CRIP2: variants seen among roughly 807,000 people sequenced by gnomAD.
CRIP2 encodes cysteine rich protein 2, also known as cysteine-rich protein 2.
Under a neutral mutation model 31.3 loss-of-function variants are expected in CRIP2, and 31 were observed. That is an observed-to-expected ratio of 0.99 (90% CI 0.74 to 1.34). The LOEUF is 1.34. CRIP2 is among the 40% of genes most tolerant of loss of function. CRIP2 has a pLI of 0.00. For missense variants in CRIP2, 389 were observed against 301.6 expected, an observed-to-expected ratio of 1.29 and a Z score of -2.15; for synonymous variants, 177 against 127.2, an observed-to-expected ratio of 1.39 and a Z score of -2.63.
Position 105,478,246 on chromosome 14 carries a change from C to G in CRIP2, c.44-20C>G, listed in dbSNP as rs782086511. The stretch of plus-strand genomic sequence containing the variant: ...GGGGCGCGCCCCGGCCCTGACCCCC[C>G]TGCCGCCCCTCCCGCTCAGCCGAGA... On this transcript the variant is annotated intron_variant, in intron 1 of 7. Coordinates refer to ENST00000329146, the MANE Select transcript of CRIP2 (RefSeq NM_001312.4). The surrounding 1 kb of genome is among the most constrained non-coding windows in gnomAD (Gnocchi z 4.9). 3 of 1,524,428 alleles carry G rather than the reference C, an allele frequency of 2.0e-6. No individual in the cohort carries two copies. The highest frequency in any genetic ancestry group is 2.1e-5 in the Admixed American group (1 of 48,734). The allele number at this position is 1,524,428 out of a possible 1,614,324, so 94.4% of individuals were successfully genotyped here.
At position 105,479,610 on chromosome 14, in the gene CRIP2, G is replaced by T. The variant is rs1353555797; in HGVS notation, c.584G>T (p.Ser195Ile). Residue 195 changes from serine (S) to isoleucine (I), a missense_variant, in exon 8 of 8, where the codon AGC (serine) becomes ATC (isoleucine). By Grantham distance (142) the Ser-to-Ile change is moderately radical. Transcript: ENST00000329146. ...GGAGTGAACACCGGTGCGGTGGGCA[G>T]CTACATCTATGACCGGGACCCCGAA... Reference protein sequence around the residue: ...PKGVNTGAVGSYIYDRDPEGK... With the variant: ...PKGVNTGAVGIYIYDRDPEGK... 27 of 1,612,688 alleles carry T rather than the reference G, an allele frequency of 1.7e-5. No homozygotes were observed. Among genetic ancestry groups the T allele is most frequent in the African/African-American group, 4.0e-5 (3 of 74,916 alleles).
Position 105,478,963 on chromosome 14 carries a change from C to CT in CRIP2, c.338-15dup. The CT allele has an allele frequency of 6.4e-7, 1 of 1,554,592 alleles. No homozygotes were observed. The highest frequency in any genetic ancestry group is 8.7e-7 in the Non-Finnish European group (1 of 1,155,684). The stretch of plus-strand genomic sequence containing the variant: ...CACCCCCGGCCCCGCCCCGCCCTGA[C>CT]TCGTGCGCCCCACAGCCTCCAGTGT... On this transcript the variant is annotated splice_polypyrimidine_tract_variant and intron_variant, in intron 4 of 7. Coordinates refer to ENST00000329146, the MANE Select transcript of CRIP2 (RefSeq NM_001312.4). The surrounding 1 kb of genome is among the most constrained non-coding windows in gnomAD (Gnocchi z 4.9).
chr14:105,474,218 G>A (rs1366619817), upstream of CRIP2: 1 of 152,314 alleles, frequency 6.6e-6, no homozygotes, highest in African/African-American at 2.4e-5. The surrounding 1 kb of genome is among the most constrained non-coding windows in gnomAD (Gnocchi z 5.1). Flanking sequence ...GTTGGGGCGG[G>A]GCGCGGGCGG....
chr14:105,473,158 T>C, upstream of CRIP2: 1 of 1,465,726 alleles, frequency 6.8e-7, no homozygotes, highest in Non-Finnish European at 9.2e-7. Context: ...GGCCCATGAA[T>C]CCAGCCTGGG....
At chr14:105,474,454 G>A (rs1455877005), upstream of CRIP2, 13 of 151,234 alleles carry the variant, frequency 8.6e-5, no homozygotes, top group African/African-American at 3.2e-4. This position sits in a 1 kb window ranked among gnomAD's most constrained non-coding sequence, Gnocchi z 5.1. Flanking sequence ...TGGACCCCTA[G>A]GCCCAAGTCA....
chr14:105,477,517 TTGG>T (rs1555436054), intron 1 of CRIP2: 1 of 983,848 alleles, frequency 1.0e-6, no homozygotes, highest in African/African-American at 1.8e-5. Context: ...CAGGGCCCAG[TTGG>T]TGGGGATCAG....
intron 1 of CRIP2, chr14:105,476,968 C>A (rs1036640597): frequency 1.0e-5 from 2 of 200,936 alleles, no homozygotes; most frequent in African/African-American, 4.7e-5. Context: ...GTGGGCTTCG[C>A]CCTAGCCAGA....
At position 105,479,110 on chromosome 14, in the gene CRIP2, C is replaced by T. The variant is rs781986323; in HGVS notation, c.407-15C>T. On this transcript the variant is annotated splice_polypyrimidine_tract_variant and intron_variant, in intron 5 of 7. Coordinates refer to ENST00000329146, the MANE Select transcript of CRIP2 (RefSeq NM_001312.4). Reference sequence around the variant, plus strand: ...CCCCGCCCCGGGGCTCGGCCTCACTCCTCCCCCTTTCCAGCTGAGAAGGTG... The same window carrying T: ...CCCCGCCCCGGGGCTCGGCCTCACTTCTCCCCCTTTCCAGCTGAGAAGGTG... The T allele has an allele frequency of 1.2e-5, 19 of 1,610,726 alleles. No homozygotes were observed. The highest frequency in any genetic ancestry group is 1.1e-4 in the African/African-American group (8 of 74,880).
chr14:105,479,093 C>CG (rs1486944662), intron 5 of CRIP2, 32 bp from the exon 6 acceptor site: 7 of 1,602,170 alleles, frequency 4.4e-6, no homozygotes, highest in Non-Finnish European at 6.0e-6. Context: ...GCCCCCGCCC[C>CG]GGGGCTCGGC....
chr14:105,478,939 A>T lies in CRIP2; in HGVS notation c.338-40A>T. 1.3e-6 allele frequency: 2 copies of T among 1,527,788 alleles called. No homozygotes were observed. Among genetic ancestry groups the T allele is most frequent in the South Asian group, 2.4e-5 (2 of 83,462 alleles). The allele number at this position is 1,527,788 out of a possible 1,614,324, so 94.6% of individuals were successfully genotyped here. The stretch of plus-strand genomic sequence containing the variant: ...CGGGCTGGGGCTGGGGGTTGTGGGC[A>T]CCCCCGGCCCCGCCCCGCCCTGACT... On this transcript the variant is annotated intron_variant, in intron 4 of 7. Transcript: ENST00000329146. The surrounding 1 kb of genome is among the most constrained non-coding windows in gnomAD (Gnocchi z 4.9).
Position 105,478,580 on chromosome 14 carries a change from G to A in CRIP2, c.196+73G>A. 6.5e-7 allele frequency: 1 copy of A among 1,545,130 alleles called. No individual in the cohort carries two copies. Among genetic ancestry groups the A allele is most frequent in the Non-Finnish European group, 8.7e-7 (1 of 1,146,014 alleles). ...CGTGGCGCTGGCGCTGGGGAGGGCTGGGGGTCCCGGCCGCCGTGGATCCCC... is the reference window on the plus strand; with the variant it reads ...CGTGGCGCTGGCGCTGGGGAGGGCTAGGGGTCCCGGCCGCCGTGGATCCCC... On this transcript the variant is annotated intron_variant, in intron 3 of 7. Transcript: ENST00000329146. This position sits in a 1 kb window ranked among gnomAD's most constrained non-coding sequence, Gnocchi z 4.9.
In CRIP2 at chr14:105,475,736, T is replaced by G. The variant is rs587753134; in HGVS notation, c.43+831T>G. On this transcript the variant is annotated intron_variant, in intron 1 of 7. Coordinates refer to ENST00000329146, the MANE Select transcript of CRIP2 (RefSeq NM_001312.4). ...TCCCCCCGTCTGGGCTTACTCACTCTCTGGGCCTGGGTGCGCCCTTCCTAC... is the reference window on the plus strand; with the variant it reads ...TCCCCCCGTCTGGGCTTACTCACTCGCTGGGCCTGGGTGCGCCCTTCCTAC... 8.5e-6 allele frequency: 7 copies of G among 824,814 alleles called. No individual in the cohort carries two copies. The African/African-American group carries it at 1.1e-4, about 13-fold the overall frequency. The allele number at this position is 824,814 out of a possible 1,614,324, so 51.1% of individuals were successfully genotyped here. A position where few individuals can be genotyped will look rare whatever the true frequency, so the allele number is the denominator to read the frequency against.
At position 105,478,562 on chromosome 14, in the gene CRIP2, C is replaced by T; in HGVS notation, c.196+55C>T. 1 of 1,569,702 alleles carries T rather than the reference C, an allele frequency of 6.4e-7. No individual in the cohort carries two copies. Among genetic ancestry groups the T allele is most frequent in the Non-Finnish European group, 8.6e-7 (1 of 1,159,522 alleles). The stretch of plus-strand genomic sequence containing the variant: ...GGGACCTGCTGGGAGGGGCGTGGCG[C>T]TGGCGCTGGGGAGGGCTGGGGGTCC... On this transcript the variant is annotated intron_variant, in intron 3 of 7. Transcript: ENST00000329146. The surrounding 1 kb of genome is among the most constrained non-coding windows in gnomAD (Gnocchi z 4.9).
rs2083999075 is a variant in CRIP2 at position 105,478,370 on chromosome 14, ACTGCG to A, written c.138+12_138+16del. ...CGGGGGCCACGCCGAGGTGAGCCCC[ACTGCG>A]CGGCGCGGGCGGGGGCGGGGGTCGC... On this transcript the variant is annotated intron_variant, in intron 2 of 7. Transcript: ENST00000329146. This position sits in a 1 kb window ranked among gnomAD's most constrained non-coding sequence, Gnocchi z 4.9. 6.3e-7 allele frequency: 1 copy of A among 1,576,582 alleles called. No individual in the cohort carries two copies. Among genetic ancestry groups the A allele is most frequent in the East Asian group, 2.3e-5 (1 of 43,346 alleles).
intron 1 of CRIP2, chr14:105,476,257 A>G: frequency 1.0e-6 from 1 of 985,480 alleles, no homozygotes; most frequent in South Asian, 4.7e-5. Context: ...TCCTGTGGAC[A>G]GCCCGGAAAG....
chr14:105,478,898 G>C lies in CRIP2; in HGVS notation c.337+27G>C. ...TGGGCTGGGCGCGGGCTGGGGCTGG[G>C]GGTTGTGGGCACGCGCGGGCTGGGG... On this transcript the variant is annotated intron_variant, in intron 4 of 7. Transcript: ENST00000329146. The surrounding 1 kb of genome is among the most constrained non-coding windows in gnomAD (Gnocchi z 4.9). The C allele has an allele frequency of 6.8e-7, 1 of 1,475,436 alleles. No individual in the cohort carries two copies. The highest frequency in any genetic ancestry group is 8.9e-7 in the Non-Finnish European group (1 of 1,121,166). 91.4% of individuals were successfully genotyped at this position (1,475,436 alleles called of 1,614,324 possible).
In CRIP2 at chr14:105,478,171, C is replaced by T. The variant is rs2083991011; in HGVS notation, c.44-95C>T. Reference sequence around the variant, plus strand: ...TGGGAGACCTCCTGAAAGTGGGGACCCCCGGAGCGCGTGGGGGTGGTGGCT... The same window carrying T: ...TGGGAGACCTCCTGAAAGTGGGGACTCCCGGAGCGCGTGGGGGTGGTGGCT... On this transcript the variant is annotated intron_variant, in intron 1 of 7. Transcript: ENST00000329146. This position sits in a 1 kb window ranked among gnomAD's most constrained non-coding sequence, Gnocchi z 4.9. The T allele has an allele frequency of 4.9e-6, 5 of 1,011,526 alleles. No homozygotes were observed. Among genetic ancestry groups the T allele is most frequent in the Non-Finnish European group, 6.9e-6 (5 of 725,390 alleles). 62.7% of individuals were successfully genotyped at this position (1,011,526 alleles called of 1,614,324 possible).
chr14:105,478,334 A>G lies in CRIP2; in HGVS notation c.112A>G (p.Thr38Ala). Reference protein sequence around the residue: ...FCLKCERCSKTLTPGGHAEHD... With the variant: ...FCLKCERCSKALTPGGHAEHD... ...CCTCAAGTGCGAGCGCTGCAGCAAG[A>G]CGCTGACGCCCGGGGGCCACGCCGA... Residue 38 changes from threonine to alanine, a missense_variant, in exon 2 of 8, where the codon ACG becomes GCG. By Grantham distance (58) the Thr-to-Ala change is moderately conservative (BLOSUM62 0). Transcript: ENST00000329146. This position sits in a 1 kb window ranked among gnomAD's most constrained non-coding sequence, Gnocchi z 4.9. 6.4e-7 allele frequency: 1 copy of G among 1,565,298 alleles called. No homozygotes were observed. The highest frequency in any genetic ancestry group is 1.2e-5 in the South Asian group (1 of 85,536).
intron 1 of CRIP2, among the ~76,000 whole-genome samples, chr14:105,477,924 G>A (rs1174835241): frequency 1.5e-4 from 6 of 40,812 alleles, no homozygotes; most frequent in African/African-American, 2.2e-4. Flanking sequence ...GTGTTGGAGC[G>A]CGGGCAGGTG....
Sources: gnomAD v4.1 joint callset for allele counts (sites outside exome capture counted in the v4.1 genomes callset) on GRCh38, gnomAD v4.1.1 for gene constraint, Gnocchi (gnomAD v3.1) non-coding constraint, MANE v1.5 for transcripts, NCBI Gene and HGNC (gene_info 2026-07-23, HGNC 2026-07-21) for gene names.